The following ZC3H3 variants were observed in gnomAD, a reference collection of about 807,000 sequenced individuals.
ZC3H3 encodes the protein zinc finger CCCH domain-containing protein 3.
In ZC3H3, 36 loss-of-function variants were observed where a neutral mutation model predicts 77.3. The ratio of observed to expected loss-of-function variants is 0.47; its 90% confidence interval spans 0.36 to 0.61. The LOEUF is 0.61. Among genes scored for constraint, ZC3H3 ranks in the 20% least tolerant of loss-of-function variants. ZC3H3 has a pLI of 0.00. For synonymous variants in ZC3H3, 626 were observed against 555.2 expected, an observed-to-expected ratio of 1.13 and a Z score of -1.79; for missense variants, 1,331 against 1,312.2, an observed-to-expected ratio of 1.01 and a Z score of -0.22.
chr8:143,516,866 G>A lies in ZC3H3; in HGVS notation c.1562-8967C>T, dbSNP rs552777116. Among the ~76,000 whole-genome samples the A allele has an allele frequency of 3.3e-5, 5 of 152,326 alleles. No homozygotes were observed. In the South Asian group the frequency reaches 6.2e-4, roughly 19 times the overall value. ...GATTATCAAATCACAACGGCAGCCCGACAGGGCCATAAGTCACCCTAAGCA... is the reference window on the plus strand; with the variant it reads ...GATTATCAAATCACAACGGCAGCCCAACAGGGCCATAAGTCACCCTAAGCA... On this transcript the variant is annotated intron_variant, in intron 3 of 11. Coordinates refer to ENST00000262577, the MANE Select transcript of ZC3H3 (RefSeq NM_015117.3).
chr8:143,517,995 C>T (rs1258843210), intron 3 of ZC3H3, among the ~76,000 whole-genome samples: 1 of 152,192 alleles, frequency 6.6e-6, no homozygotes, highest in African/African-American at 2.4e-5. Context: ...AGGCCCTGGC[C>T]ACCACGTCTC....
chr8:143,471,324 G>A (rs1039698152), intron 5 of ZC3H3, among the ~76,000 whole-genome samples: 2 of 152,252 alleles, frequency 1.3e-5, no homozygotes, highest in African/African-American at 2.4e-5. Context: ...AGAAGAGGCA[G>A]TGTGGGGCGG....
intron 5 of ZC3H3, among the ~76,000 whole-genome samples, chr8:143,470,754 A>G (rs1389431590): frequency 1.3e-5 from 2 of 152,266 alleles, no homozygotes; most frequent in Non-Finnish European, 2.9e-5. Flanking sequence ...AGGAGTTCTG[A>G]CAAGAACAGG....
Position 143,469,815 on chromosome 8 carries a change from G to A in ZC3H3, c.1904-1156C>T, listed in dbSNP as rs141168014. On this transcript the variant is annotated intron_variant, in intron 5 of 11. Coordinates refer to ENST00000262577, the MANE Select transcript of ZC3H3 (RefSeq NM_015117.3). ...CCAGCCTGCTGAGGGCGGCTTTCCC[G>A]GGTTCCTCAAATACGCGCATGATCC... 4.4e-3 allele frequency among the ~76,000 whole-genome samples: 671 copies of A among 152,314 alleles called. 4 individuals are homozygous for A. The highest frequency in any genetic ancestry group is 6.8e-3 in the Middle Eastern group (2 of 294).
At chr8:143,518,468 A>G (rs1392334137) in intron 3 of ZC3H3, among the ~76,000 whole-genome samples, 1 of 152,244 alleles carries the variant, frequency 6.6e-6, no homozygotes, top group Non-Finnish European at 1.5e-5. Context: ...CCCTCCACAG[A>G]AAGCAGCGGC....
chr8:143,451,062 T>C (rs1819975789), intron 9 of ZC3H3, among the ~76,000 whole-genome samples: 1 of 151,748 alleles, frequency 6.6e-6, no homozygotes, highest in South Asian at 2.1e-4. Flanking sequence ...GGGGCTGCTG[T>C]GGGGGACTGC....
intron 4 of ZC3H3, among the ~76,000 whole-genome samples, chr8:143,485,309 C>G (rs1279159528): frequency 6.6e-6 from 1 of 152,194 alleles, no homozygotes; most frequent in African/African-American, 2.4e-5. Context: ...AGGCCGAGAA[C>G]CCGGTCCAGT....
In ZC3H3 at chr8:143,538,119, C is replaced by G; in HGVS notation, c.1248G>C (p.Ser416=). The G allele has an allele frequency of 6.2e-7, 1 of 1,613,186 alleles. No homozygotes were observed. The highest frequency in any genetic ancestry group is 8.5e-7 in the Non-Finnish European group (1 of 1,180,038). The change falls in exon 2 of 12, where the codon TCG becomes TCC. Residue 416 remains serine (S), a synonymous_variant. Transcript: ENST00000262577. ...TGTGTCCTACTGCTGGTCTGTCCCC[C>G]GACGGGGACCTAGACAGGACTGGGG... The part of the protein sequence containing the change: ...QLSPVLSRSP[S]GDRPAVGHSG...
intron 9 of ZC3H3, among the ~76,000 whole-genome samples, chr8:143,459,865 A>G (rs1452563829): frequency 2.0e-5 from 3 of 152,164 alleles, no homozygotes; most frequent in Non-Finnish European, 1.5e-5. Context: ...GTCATATTCA[A>G]TGGTGAAAAA....
Position 143,441,135 on chromosome 8 carries a change from G to A in ZC3H3, c.2308-15C>T, listed in dbSNP as rs761410645. On this transcript the variant is annotated splice_polypyrimidine_tract_variant and intron_variant, in intron 9 of 11. Transcript: ENST00000262577. ...TTCTTCTTGCACTGCAGAGAGAAGG[G>A]GTGCAGGTGGGTGGGCCGGCTGGAG... The A allele has an allele frequency of 1.0e-5, 14 of 1,393,276 alleles. No individual in the cohort carries two copies. Among genetic ancestry groups the A allele is most frequent in the Non-Finnish European group, 9.3e-7 (1 of 1,080,542 alleles). 86.3% of individuals were successfully genotyped at this position (1,393,276 alleles called of 1,614,324 possible).
At chr8:143,531,297 C>G (rs1275504106) in intron 3 of ZC3H3, among the ~76,000 whole-genome samples, 3 of 152,278 alleles carry the variant, frequency 2.0e-5, no homozygotes, top group South Asian at 4.1e-4. Flanking sequence ...CCAACAGACC[C>G]ATCCCCAGGA....
At chr8:143,440,804 T>G in intron 10 of ZC3H3, 132 bp downstream of exon 10, 4 of 1,051,144 alleles carry the variant, frequency 3.8e-6, no homozygotes, top group Non-Finnish European at 5.0e-6. Flanking sequence ...CAGCCTTGGA[T>G]AGGGATTTCT....
At chr8:143,480,423 G>C (rs1820876770) in intron 4 of ZC3H3, among the ~76,000 whole-genome samples, 1 of 152,226 alleles carries the variant, frequency 6.6e-6, no homozygotes. Flanking sequence ...TGGCAGGTCA[G>C]AGCAGCCCCC....
intron 5 of ZC3H3, among the ~76,000 whole-genome samples, chr8:143,470,995 C>A (rs1184376496): frequency 6.6e-6 from 1 of 152,158 alleles, no homozygotes; most frequent in Admixed American, 6.5e-5. Context: ...AGTGCCAGCT[C>A]TGGGCACCGC....
intron 4 of ZC3H3, among the ~76,000 whole-genome samples, chr8:143,492,315 G>C (rs536267686): frequency 1.3e-5 from 2 of 152,106 alleles, no homozygotes; most frequent in South Asian, 4.1e-4. Context: ...GGCCCAGTGG[G>C]GGGGATCCGG....
chr8:143,496,020 T>G (rs2129983805), intron 4 of ZC3H3, among the ~76,000 whole-genome samples: 1 of 152,334 alleles, frequency 6.6e-6, no homozygotes, highest in East Asian at 1.9e-4. Flanking sequence ...CTTTGCTCCG[T>G]GGTATCTGTT....
chr8:143,507,097 G>A (rs1221051192), intron 4 of ZC3H3, among the ~76,000 whole-genome samples: 3 of 152,220 alleles, frequency 2.0e-5, no homozygotes, highest in African/African-American at 7.2e-5. Flanking sequence ...GCAAAGGAAG[G>A]GGCCAACCTC....
chr8:143,457,374 A>T (rs1239963509), intron 9 of ZC3H3, among the ~76,000 whole-genome samples: 1 of 150,876 alleles, frequency 6.6e-6, no homozygotes, highest in Non-Finnish European at 1.5e-5. Flanking sequence ...TATGACTCTT[A>T]TGCCTTTTAC....
intron 9 of ZC3H3, among the ~76,000 whole-genome samples, chr8:143,452,095 A>G (rs1820001910): frequency 6.6e-6 from 1 of 152,238 alleles, no homozygotes; most frequent in Admixed American, 6.5e-5. Flanking sequence ...GGCAACAGCC[A>G]TCTATTCCAG....
Sources: gnomAD v4.1 joint callset for allele counts (sites outside exome capture counted in the v4.1 genomes callset) on GRCh38, gnomAD v4.1.1 for gene constraint, MANE v1.5 for transcripts, NCBI Gene and HGNC (gene_info 2026-07-23, HGNC 2026-07-21) for gene names.